The following TENM4 variants were observed in gnomAD, a reference collection of about 807,000 sequenced individuals.
TENM4 encodes teneurin transmembrane protein 4.
A neutral mutation model predicts 243.3 loss-of-function variants in TENM4; 82 were observed. The observed-to-expected ratio is 0.34, with a 90% CI of 0.28 to 0.40. The LOEUF is 0.40. TENM4 is among the 10% of genes least tolerant of loss of function. The probability of loss-of-function intolerance (pLI) is 1.00; values close to 1 mark genes in which losing one functional copy is unlikely to be tolerated. For missense variants in TENM4, 3,138 were observed against 3,673.3 expected (o/e 0.85, Z 3.77); for synonymous variants, 1,412 against 1,456.3 (o/e 0.97, Z 0.69).
At chr11:79,255,120 G>A (rs78942576) in intron 2 of TENM4, among the ~76,000 whole-genome samples, 1,671 of 152,312 alleles carry the variant, frequency 0.011, 34 homozygotes, top group African/African-American at 0.038. Context: ...AATTGGGGGC[G>A]TGGTGCAAAT....
At chr11:78,911,711 T>A (rs1486161706) in intron 6 of TENM4, among the ~76,000 whole-genome samples, 2 of 152,208 alleles carry the variant, frequency 1.3e-5, no homozygotes, top group African/African-American at 2.4e-5. Flanking sequence ...ACTCTTGCCC[T>A]CTCACCATGT....
intron 1 of TENM4, among the ~76,000 whole-genome samples, chr11:79,383,059 A>T (rs1858038008): frequency 6.6e-6 from 1 of 152,032 alleles, no homozygotes; most frequent in Non-Finnish European, 1.5e-5. Context: ...TGGCCCCGCC[A>T]TCCATCTTCT....
chr11:79,210,398 C>A (rs1202056194), intron 3 of TENM4, among the ~76,000 whole-genome samples: 3 of 152,156 alleles, frequency 2.0e-5, no homozygotes, highest in Non-Finnish European at 4.4e-5. Flanking sequence ...TTGGGTGGAC[C>A]AAAGGAGCAT....
At chr11:79,315,167 A>G (rs896273438) in intron 1 of TENM4, among the ~76,000 whole-genome samples, 1 of 152,158 alleles carries the variant, frequency 6.6e-6, no homozygotes, top group Admixed American at 6.5e-5. Context: ...AAGGCCCCAA[A>G]TAAAGGCAGA....
chr11:78,982,170 C>A (rs1857812455), intron 6 of TENM4, among the ~76,000 whole-genome samples: 1 of 152,124 alleles, frequency 6.6e-6, no homozygotes. Context: ...ATGCCACTTG[C>A]CTTAATCAGT....
intron 4 of TENM4, chr11:79,097,471 G>GC (rs1861110763): frequency 6.6e-6 from 1 of 152,106 alleles, no homozygotes; most frequent in Non-Finnish European, 1.5e-5. Context: ...TGGGCTGAGG[G>GC]CCCAGGAACC....
chr11:79,094,445 A>G (rs1027486271), intron 4 of TENM4, among the ~76,000 whole-genome samples: 2 of 152,134 alleles, frequency 1.3e-5, no homozygotes, highest in Non-Finnish European at 2.9e-5. Context: ...ATGGATCGAG[A>G]TCTGACTCCG....
chr11:78,706,458 G>T (rs1859251244), intron 27 of TENM4, among the ~76,000 whole-genome samples: 1 of 152,156 alleles, frequency 6.6e-6, no homozygotes. Flanking sequence ...CTCCCCATGG[G>T]GCAGCGGAGT....
At chr11:78,720,561 G>T (rs538081540) in intron 24 of TENM4, among the ~76,000 whole-genome samples, 171 bp from the exon 25 acceptor site, 2 of 152,302 alleles carry the variant, frequency 1.3e-5, no homozygotes, top group South Asian at 4.1e-4. Context: ...GATATTACTT[G>T]TCAGTAAGTT....
At position 79,399,328 on chromosome 11, in the gene TENM4, A is replaced by G. The variant is rs200892509; in HGVS notation, c.-321+41181T>C. On this transcript the variant is annotated intron_variant, in intron 1 of 33. Transcript: ENST00000278550. ...GCTGAAATGAGTAGTTGTTTCCCAT[A>G]TTTACATGGGTATTTTCTTCTTATT... Among the ~76,000 whole-genome samples, 36 of 152,254 alleles carry G rather than the reference A, an allele frequency of 2.4e-4. No individual in the cohort carries two copies. The East Asian group carries it at 5.2e-3, about 22-fold the overall frequency.
chr11:78,870,957 C>T lies in TENM4; in HGVS notation c.1085-7825G>A, dbSNP rs144765041. ...GCTGTGTTTTCTGGGCACCTTTCCC[C>T]GGGTGGGCTCTACTAAGACCTCTTC... On this transcript the variant is annotated intron_variant, in intron 9 of 33. Coordinates refer to ENST00000278550, the MANE Select transcript of TENM4 (RefSeq NM_001098816.3). Among the ~76,000 whole-genome samples, 144 of 152,272 alleles carry T rather than the reference C, an allele frequency of 9.5e-4. 1 individual carries two copies. The East Asian group carries it at 0.026, about 27-fold the overall frequency.
chr11:78,778,652 T>G, intron 16 of TENM4, 24 bp from the exon 17 acceptor site: 1 of 1,610,204 alleles, frequency 6.2e-7, no homozygotes, highest in Non-Finnish European at 8.5e-7. Context: ...AGACAGGACA[T>G]TTAAGGTAGG....
At chr11:78,695,554 G>A (rs1296978483) in intron 28 of TENM4, among the ~76,000 whole-genome samples, 1 of 152,046 alleles carries the variant, frequency 6.6e-6, no homozygotes, top group Admixed American at 6.6e-5. Context: ...GTAGAGGTGG[G>A]GTTTCACCAT....
chr11:78,781,548 T>C (rs185795235), intron 16 of TENM4, among the ~76,000 whole-genome samples: 1 of 152,332 alleles, frequency 6.6e-6, no homozygotes, highest in Admixed American at 6.5e-5. Context: ...TTCCTTGACT[T>C]GCCTCTACCA....
rs147094684 is a variant in TENM4, at chr11:79,203,158, C to T, written c.-163+12650G>A. On this transcript the variant is annotated intron_variant, in intron 3 of 33. Transcript: ENST00000278550. ...TGATGAAGATGTGGAGAAACTGGAA[C>T]CCTTATACACTGCTGGTGGAAATGT... 3.1e-3 allele frequency among the ~76,000 whole-genome samples: 476 copies of T among 152,258 alleles called. 2 individuals carry two copies. Among genetic ancestry groups the T allele is most frequent in the African/African-American group, 0.011 (457 of 41,568 alleles).
intron 6 of TENM4, among the ~76,000 whole-genome samples, chr11:79,024,411 T>C (rs1208797509): frequency 6.6e-6 from 1 of 152,262 alleles, no homozygotes; most frequent in African/African-American, 2.4e-5. Flanking sequence ...ATGGGTTGTT[T>C]ATGTACTTTA....
intron 1 of TENM4, among the ~76,000 whole-genome samples, chr11:79,409,196 TC>T (rs1385496985): frequency 1.3e-5 from 2 of 150,006 alleles, no homozygotes; most frequent in African/African-American, 4.9e-5. Context: ...GAGCTTCTCT[TC>T]CAGAAAAAAA....
intron 19 of TENM4, among the ~76,000 whole-genome samples, chr11:78,753,766 T>C (rs1856243193): frequency 1.3e-5 from 2 of 152,206 alleles, no homozygotes; most frequent in Admixed American, 1.3e-4. Flanking sequence ...CCATTATCTA[T>C]TCATTTGTAG....
chr11:78,907,360 C>A (rs1332424833), intron 6 of TENM4, among the ~76,000 whole-genome samples: 1 of 151,632 alleles, frequency 6.6e-6, no homozygotes, highest in Non-Finnish European at 1.5e-5. Context: ...GAGGGAATCT[C>A]AGAATCAGTT....
Sources: allele counts gnomAD v4.1 joint callset (sites outside exome capture counted in the v4.1 genomes callset), GRCh38; gene constraint gnomAD v4.1.1; transcripts MANE v1.5; gene names NCBI Gene and HGNC (gene_info 2026-07-23, HGNC 2026-07-21).